Variants in PCSK5 observed in about 807,000 individuals in gnomAD.
PCSK5 encodes proprotein convertase subtilisin/kexin type 5, also known as prohormone convertase 5.
A neutral mutation model predicts 233.2 loss-of-function variants in PCSK5; 129 were observed. That is an observed-to-expected ratio of 0.55 (90% CI 0.48 to 0.64). The LOEUF (loss-of-function observed/expected upper bound fraction) is 0.64, where lower values mean the gene tolerates loss of function less well. Among genes scored for constraint, PCSK5 ranks in the 30% least tolerant of loss-of-function variants. The pLI is 0.00. For missense variants in PCSK5, 2,076 were observed against 2,430.1 expected (o/e 0.85, Z 3.06); for synonymous variants, 825 against 879.2 (o/e 0.94, Z 1.09).
Position 76,154,407 on chromosome 9 carries a change from T to A in PCSK5, c.1313-2638T>A, listed in dbSNP as rs767383703. On this transcript the variant is annotated intron_variant, in intron 10 of 37. Transcript: ENST00000674117. ...ATCTGATTGTTCATGTTAATTTATG[T>A]CCTCATGGTTGTTAGGTGGACAGTT... is the stretch of plus-strand genomic sequence containing the variant. Among the ~76,000 whole-genome samples, 16 of 152,192 alleles carry A rather than the reference T, an allele frequency of 1.1e-4. 1 individual carries two copies. The highest frequency in any genetic ancestry group is 2.1e-4 in the Non-Finnish European group (14 of 68,038).
At chr9:76,297,326 A>G (rs1828470618) in intron 27 of PCSK5, among the ~76,000 whole-genome samples, 1 of 152,206 alleles carries the variant, frequency 6.6e-6, no homozygotes, top group South Asian at 2.1e-4. Flanking sequence ...GCTCGAATGT[A>G]TTAGATTTTA....
chr9:76,142,904 G>T (rs78204316), intron 10 of PCSK5, among the ~76,000 whole-genome samples: 3 of 152,084 alleles, frequency 2.0e-5, no homozygotes, highest in African/African-American at 4.8e-5. Flanking sequence ...TTAGTTGATG[G>T]TTCTGGATAA....
At chr9:76,080,103 G>A (rs1830778777) in intron 7 of PCSK5, among the ~76,000 whole-genome samples, 1 of 151,808 alleles carries the variant, frequency 6.6e-6, no homozygotes, top group South Asian at 2.1e-4. Flanking sequence ...TTTAAAATGA[G>A]ATTCCCTGAA....
intron 3 of PCSK5, among the ~76,000 whole-genome samples, chr9:76,021,456 C>T (rs538487391): frequency 6.6e-6 from 1 of 151,978 alleles, no homozygotes; most frequent in East Asian, 1.9e-4. Context: ...CATAGCTGGG[C>T]CCCAAAAACT....
At chr9:75,940,814 A>T (rs1056553095) in intron 2 of PCSK5, among the ~76,000 whole-genome samples, 17 of 152,218 alleles carry the variant, frequency 1.1e-4, no homozygotes, top group Admixed American at 9.8e-4. Flanking sequence ...TAATTGATCC[A>T]TGGAGGCAAC....
At chr9:76,162,458 G>A (rs1005371518) in intron 12 of PCSK5, among the ~76,000 whole-genome samples, 4 of 152,082 alleles carry the variant, frequency 2.6e-5, no homozygotes, top group Admixed American at 2.6e-4. Flanking sequence ...GCACAGAAAG[G>A]GGTGGAGAGG....
intron 5 of PCSK5, among the ~76,000 whole-genome samples, chr9:76,065,340 CT>C (rs1416390079): frequency 6.6e-6 from 1 of 152,080 alleles, no homozygotes; most frequent in East Asian, 1.9e-4. Flanking sequence ...TATTTTCTGT[CT>C]TTTTGATAAT....
intron 7 of PCSK5, among the ~76,000 whole-genome samples, chr9:76,082,256 C>T (rs550983636): frequency 1.8e-3 from 267 of 152,300 alleles, no homozygotes; most frequent in African/African-American, 5.2e-3. Flanking sequence ...GGCTCCTTGG[C>T]ATGGCCAGCA....
intron 24 of PCSK5, among the ~76,000 whole-genome samples, chr9:76,269,082 G>A (rs550972155): frequency 1.3e-4 from 20 of 152,282 alleles, no homozygotes; most frequent in South Asian, 6.2e-4. Context: ...AGGCCACAGG[G>A]CATCCCCATC....
At chr9:76,356,341 T>C (rs1046280757) in intron 37 of PCSK5, among the ~76,000 whole-genome samples, 2 of 152,224 alleles carry the variant, frequency 1.3e-5, no homozygotes, top group African/African-American at 4.8e-5. Flanking sequence ...CTTGATTACC[T>C]GATCCTTCTT....
intron 7 of PCSK5, among the ~76,000 whole-genome samples, chr9:76,083,642 CTG>C (rs1480031769): frequency 6.6e-6 from 1 of 152,242 alleles, no homozygotes; most frequent in African/African-American, 2.4e-5. Flanking sequence ...TAGGAAGACT[CTG>C]ACCACTATTT....
intron 20 of PCSK5, among the ~76,000 whole-genome samples, chr9:76,203,466 G>T (rs1824991506): frequency 6.6e-6 from 1 of 151,694 alleles, no homozygotes; most frequent in African/African-American, 2.4e-5. Context: ...AATCAGAGAG[G>T]TGTGGTAGAA....
At chr9:76,238,158 G>A (rs1826310144) in intron 22 of PCSK5, among the ~76,000 whole-genome samples, 1 of 152,178 alleles carries the variant, frequency 6.6e-6, no homozygotes, top group Non-Finnish European at 1.5e-5. Context: ...ACTCCGGGAG[G>A]GTGGGAGTAG....
chr9:76,359,282 T>A lies in PCSK5; in HGVS notation c.*360T>A, dbSNP rs1830382797. On this transcript the variant is annotated 3_prime_UTR_variant, in exon 38 of 38. Transcript: ENST00000674117. ...ACAGCAGATCTATAGAAATTCTGTTTCCGAGCTGCATTGTGGAGGTGTCTG... is the reference window on the plus strand; with the variant it reads ...ACAGCAGATCTATAGAAATTCTGTTACCGAGCTGCATTGTGGAGGTGTCTG... 3 of 207,386 alleles carry A rather than the reference T, an allele frequency of 1.4e-5. No homozygotes were observed. Among genetic ancestry groups the A allele is most frequent in the Admixed American group, 1.0e-4 (2 of 19,348 alleles). 12.8% of individuals were successfully genotyped at this position (207,386 alleles called of 1,614,324 possible).
intron 2 of PCSK5, among the ~76,000 whole-genome samples, chr9:75,969,354 G>C (rs1825724022): frequency 6.6e-6 from 1 of 152,120 alleles, no homozygotes; most frequent in Admixed American, 6.6e-5. Context: ...TCAAGAGATG[G>C]CTTACTTTGG....
In PCSK5 at chr9:75,972,315, T is replaced by C. The variant is rs140742035; in HGVS notation, c.298-13817T>C. Reference sequence around the variant, plus strand: ...TATAGTTTGAAGTCAGGTAGCGTGATGCCTCCAGCATTGTTCTTTTTGCTT... The same window carrying C: ...TATAGTTTGAAGTCAGGTAGCGTGACGCCTCCAGCATTGTTCTTTTTGCTT... On this transcript the variant is annotated intron_variant, in intron 2 of 37. Transcript: ENST00000674117. Among the ~76,000 whole-genome samples the C allele has an allele frequency of 4.0e-3, 602 of 152,360 alleles. 6 individuals carry two copies. The highest frequency in any genetic ancestry group is 0.014 in the African/African-American group (574 of 41,590).
intron 7 of PCSK5, among the ~76,000 whole-genome samples, chr9:76,078,496 A>G (rs1832526): frequency 0.68 from 104,077 of 152,042 alleles, 35,933 homozygotes; most frequent in South Asian, 0.78. Context: ...TCTGTATAAG[A>G]CTAGCCAGTT....
chr9:76,170,989 G>A (rs1823309886), intron 13 of PCSK5, among the ~76,000 whole-genome samples: 1 of 152,208 alleles, frequency 6.6e-6, no homozygotes, highest in African/African-American at 2.4e-5. Flanking sequence ...GTCAAAGCCA[G>A]AATGGTGGCC....
chr9:76,109,910 G>A (rs1007056208), intron 9 of PCSK5, among the ~76,000 whole-genome samples: 4 of 152,324 alleles, frequency 2.6e-5, no homozygotes, highest in South Asian at 4.1e-4. Context: ...CCAGCTTAAT[G>A]TGAAACATAT....
Sources: gnomAD v4.1 joint callset for allele counts (sites outside exome capture counted in the v4.1 genomes callset) on GRCh38, gnomAD v4.1.1 for gene constraint, MANE v1.5 for transcripts, NCBI Gene and HGNC (gene_info 2026-07-23, HGNC 2026-07-21) for gene names.